Variants in HSF2BP observed in about 807,000 individuals in gnomAD.
HSF2BP encodes heat shock transcription factor 2 binding protein, also known as heat shock factor 2-binding protein.
In HSF2BP, 35 loss-of-function variants were observed where a neutral mutation model predicts 35.0. The observed-to-expected ratio is 1.00, with a 90% CI of 0.76 to 1.32. The LOEUF (loss-of-function observed/expected upper bound fraction) is 1.32, where lower values mean the gene tolerates loss of function less well. Among genes scored for constraint, HSF2BP ranks in the 40% most tolerant of loss-of-function variants. The pLI is 0.00. For synonymous variants in HSF2BP, 114 were observed against 117.4 expected (o/e 0.97, Z 0.18); for missense variants, 326 against 321.7 (o/e 1.01, Z -0.10).
intron 4 of HSF2BP, among the ~76,000 whole-genome samples, chr21:43,637,778 C>G (rs902795230): frequency 1.3e-5 from 2 of 150,346 alleles, no homozygotes; most frequent in African/African-American, 4.9e-5. Context: ...GCACTCCAGC[C>G]TGGGCTACAG....
intron 8 of HSF2BP, among the ~76,000 whole-genome samples, chr21:43,586,726 C>T (rs4818843): frequency 0.65 from 97,851 of 151,012 alleles, 32,045 homozygotes; most frequent in East Asian, 0.79. Context: ...TATTAAAATA[C>T]ATCAAATTTC....
chr21:43,621,334 C>A (rs554905633), intron 6 of HSF2BP, among the ~76,000 whole-genome samples: 15 of 152,284 alleles, frequency 9.9e-5, no homozygotes, highest in Middle Eastern at 3.4e-3. Flanking sequence ...TGAGACCAGT[C>A]TGGCCAACAT....
chr21:43,627,241 T>G (rs1391018500), intron 6 of HSF2BP, among the ~76,000 whole-genome samples: 1 of 152,218 alleles, frequency 6.6e-6, no homozygotes, highest in Non-Finnish European at 1.5e-5. Context: ...AATTTTATCA[T>G]AACTCTCAGG....
At chr21:43,611,072 C>CA (rs1042711232) in intron 7 of HSF2BP, among the ~76,000 whole-genome samples, 3 of 152,032 alleles carry the variant, frequency 2.0e-5, no homozygotes, top group Admixed American at 6.5e-5. Context: ...CCCGTCTCTA[C>CA]AAAAAAATTT....
intron 3 of HSF2BP, among the ~76,000 whole-genome samples, chr21:43,651,030 T>C (rs1210205768): frequency 3.3e-5 from 5 of 152,120 alleles, no homozygotes; most frequent in South Asian, 2.1e-4. Context: ...CTTGCAAACA[T>C]AGCTGAGTCT....
intron 8 of HSF2BP, among the ~76,000 whole-genome samples, chr21:43,586,267 T>C (rs2081849647): frequency 6.6e-6 from 1 of 152,184 alleles, no homozygotes; most frequent in African/African-American, 2.4e-5. Context: ...GCCAGCCATG[T>C]AGCTGAACGA....
At chr21:43,636,630 G>A (rs186501279) in intron 4 of HSF2BP, among the ~76,000 whole-genome samples, 10 of 152,242 alleles carry the variant, frequency 6.6e-5, no homozygotes, top group Non-Finnish European at 1.3e-4. Flanking sequence ...GTCCGGGCGC[G>A]ATGGTAATCC....
intron 7 of HSF2BP, among the ~76,000 whole-genome samples, chr21:43,612,523 C>A (rs1032880952): frequency 6.6e-6 from 1 of 152,068 alleles, no homozygotes; most frequent in Non-Finnish European, 1.5e-5. Flanking sequence ...TGGTGGCGGG[C>A]GCCTGTAGTC....
At chr21:43,624,915 G>A (rs999858462) in intron 6 of HSF2BP, among the ~76,000 whole-genome samples, 3 of 151,880 alleles carry the variant, frequency 2.0e-5, no homozygotes, top group Admixed American at 6.6e-5. Flanking sequence ...CATTTACTAC[G>A]GTTCAGTAGA....
At chr21:43,653,129 T>A (rs932496952) in intron 3 of HSF2BP, among the ~76,000 whole-genome samples, 2 of 137,278 alleles carry the variant, frequency 1.5e-5, no homozygotes, top group South Asian at 2.3e-4. Flanking sequence ...GGCAACAGAG[T>A]GAGACTCGGA....
rs114397556 is a variant in HSF2BP at position 43,628,710 on chromosome 21, G to A, written c.574+1612C>T. Among the ~76,000 whole-genome samples the A allele has an allele frequency of 3.5e-3, 528 of 152,344 alleles. 3 individuals are homozygous for A. Among genetic ancestry groups the A allele is most frequent in the African/African-American group, 0.012 (502 of 41,580 alleles). ...TTCTATTGGAAGAAGACGCCATCTA[G>A]GACTTTCACCGCTAGAGAAAAGTCA... On this transcript the variant is annotated intron_variant, in intron 6 of 8. Transcript: ENST00000291560.
chr21:43,583,748 A>C (rs1180944331), intron 8 of HSF2BP, among the ~76,000 whole-genome samples: 4 of 110,634 alleles, frequency 3.6e-5, no homozygotes, highest in Non-Finnish European at 7.1e-5. Context: ...CTGCCGAGGG[A>C]GATGAAGGGC....
intron 8 of HSF2BP, among the ~76,000 whole-genome samples, chr21:43,581,700 G>A (rs945373108): frequency 2.0e-5 from 3 of 152,338 alleles, no homozygotes; most frequent in Admixed American, 1.3e-4. Context: ...GAAAACTCCT[G>A]GAGAAAGACT....
At chr21:43,631,408 A>C (rs1049430591) in intron 5 of HSF2BP, among the ~76,000 whole-genome samples, 37 of 152,000 alleles carry the variant, frequency 2.4e-4, no homozygotes, top group African/African-American at 8.7e-4. Context: ...CACAGCTCTC[A>C]TACATGTTCC....
chr21:43,596,568 G>C (rs891034634), intron 7 of HSF2BP, among the ~76,000 whole-genome samples: 1 of 152,114 alleles, frequency 6.6e-6, no homozygotes. Context: ...AGAAACTGAA[G>C]AGAAGTGCCC....
At chr21:43,576,597 T>C (rs1020894867) in intron 8 of HSF2BP, among the ~76,000 whole-genome samples, 14 of 152,164 alleles carry the variant, frequency 9.2e-5, no homozygotes, top group African/African-American at 3.4e-4. Flanking sequence ...CCACATCACA[T>C]TGATGAAAAG....
At chr21:43,606,466 C>T (rs1469776042) in intron 7 of HSF2BP, among the ~76,000 whole-genome samples, 5 of 152,000 alleles carry the variant, frequency 3.3e-5, no homozygotes, top group African/African-American at 9.7e-5. Flanking sequence ...GGAGGTCTTG[C>T]AGTTTAGAGG....
At chr21:43,598,307 C>A (rs1227683713) in intron 7 of HSF2BP, among the ~76,000 whole-genome samples, 3 of 151,926 alleles carry the variant, frequency 2.0e-5, no homozygotes, top group Non-Finnish European at 4.4e-5. Flanking sequence ...CAGGTTCCAG[C>A]AATTCTCCTG....
rs192396369 is a variant in HSF2BP at position 43,619,241 on chromosome 21, C to T, written c.575-5294G>A. On this transcript the variant is annotated intron_variant, in intron 6 of 8. Coordinates refer to ENST00000291560, the MANE Select transcript of HSF2BP (RefSeq NM_007031.2). The stretch of plus-strand genomic sequence containing the variant: ...CTGCAGTAATCTGGAACCAAACCTA[C>T]GGTATCTCTGAGGTATGGCTGTATT... 1.7e-3 allele frequency among the ~76,000 whole-genome samples: 262 copies of T among 152,294 alleles called. 2 individuals carry two copies. The highest frequency in any genetic ancestry group is 1.2e-3 in the Non-Finnish European group (79 of 68,026).
Sources: gnomAD v4.1 joint callset for allele counts (sites outside exome capture counted in the v4.1 genomes callset) on GRCh38, gnomAD v4.1.1 for gene constraint, MANE v1.5 for transcripts, NCBI Gene and HGNC (gene_info 2026-07-23, HGNC 2026-07-21) for gene names.